LDAH: variants seen among roughly 807,000 people sequenced by gnomAD.
LDAH encodes lipid droplet-associated hydrolase.
Under a neutral mutation model 29.6 loss-of-function variants are expected in LDAH, and 26 were observed. The observed-to-expected ratio is 0.88, with a 90% CI of 0.64 to 1.22. The LOEUF (loss-of-function observed/expected upper bound fraction) is 1.22. Ranked by LOEUF, LDAH falls within the 50% of genes most tolerant of loss-of-function variation. The pLI is 0.00. For missense variants in LDAH, 344 were observed against 387.3 expected (o/e 0.89, Z 0.94); for synonymous variants, 117 against 133.0 (o/e 0.88, Z 0.83).
intron 2 of LDAH, among the ~76,000 whole-genome samples, chr2:20,791,460 G>A (rs537693494): frequency 6.6e-6 from 1 of 152,270 alleles, no homozygotes; most frequent in East Asian, 1.9e-4. Context: ...GTACAACAAC[G>A]TCTAGCTATA....
chr2:20,746,519 C>T (rs1054423237), intron 4 of LDAH, among the ~76,000 whole-genome samples: 3 of 152,098 alleles, frequency 2.0e-5, no homozygotes, highest in African/African-American at 4.8e-5. Flanking sequence ...ACAACTAATA[C>T]TTAGTTGATG....
At chr2:20,770,502 T>C (rs1669337367) in intron 4 of LDAH, among the ~76,000 whole-genome samples, 2 of 152,164 alleles carry the variant, frequency 1.3e-5, no homozygotes, top group Admixed American at 6.5e-5. Context: ...ATGAAAAAGA[T>C]TTACTGGCAA....
intron 1 of LDAH, among the ~76,000 whole-genome samples, chr2:20,802,042 T>A (rs1443716248): frequency 6.8e-6 from 1 of 147,128 alleles, no homozygotes; most frequent in Non-Finnish European, 1.5e-5. Context: ...ACATACTATA[T>A]CTATCTATCT....
At chr2:20,739,875 T>C (rs1372043906) in intron 5 of LDAH, 96 bp downstream of exon 5, 1 of 829,252 alleles carries the variant, frequency 1.2e-6, no homozygotes, top group African/African-American at 1.7e-5. Flanking sequence ...AACTAGTAAA[T>C]AATTGCTTGC....
chr2:20,692,759 G>A (rs1663130710), intron 6 of LDAH, among the ~76,000 whole-genome samples: 1 of 152,114 alleles, frequency 6.6e-6, no homozygotes, highest in Non-Finnish European at 1.5e-5. Context: ...ATGAGCCTTT[G>A]GCACAGACTA....
At chr2:20,723,945 T>G (rs1665841782) in intron 5 of LDAH, among the ~76,000 whole-genome samples, 1 of 152,210 alleles carries the variant, frequency 6.6e-6, no homozygotes, top group Non-Finnish European at 1.5e-5. Context: ...AATTGAAGAG[T>G]CTAATGTTAT....
intron 5 of LDAH, among the ~76,000 whole-genome samples, chr2:20,703,735 C>A (rs1664123584): frequency 6.6e-6 from 1 of 152,172 alleles, no homozygotes; most frequent in Non-Finnish European, 1.5e-5. Context: ...CTAACCTGGA[C>A]CACTGTCGAC....
In LDAH at chr2:20,686,883, G is replaced by T; in HGVS notation, c.*20C>A. On this transcript the variant is annotated 3_prime_UTR_variant, in exon 7 of 7. Coordinates refer to ENST00000237822, the MANE Select transcript of LDAH (RefSeq NM_021925.4). Reference sequence around the variant, plus strand: ...ACTGCCTCCATGTACTGGCAGTGGGGGCTTGTTCCTCAGGCCAATTTACAT... The same window carrying T: ...ACTGCCTCCATGTACTGGCAGTGGGTGCTTGTTCCTCAGGCCAATTTACAT... 1 of 1,604,358 alleles carries T rather than the reference G, an allele frequency of 6.2e-7. No individual in the cohort carries two copies. Among genetic ancestry groups the T allele is most frequent in the South Asian group, 1.1e-5 (1 of 89,448 alleles).
rs577363170 is a variant in LDAH at position 20,810,436 on chromosome 2, A to G, written c.-2-8971T>C. ...TCACTTCCATGTTAGACAGAAGCCC[A>G]TCAATATTCAAAGACAGCATGTTCT... On this transcript the variant is annotated intron_variant, in intron 1 of 6. Coordinates refer to ENST00000237822, the MANE Select transcript of LDAH (RefSeq NM_021925.4). 2.0e-5 allele frequency among the ~76,000 whole-genome samples: 3 copies of G among 152,352 alleles called. No individual in the cohort carries two copies. The South Asian group carries it at 6.2e-4, about 32-fold the overall frequency.
intron 5 of LDAH, among the ~76,000 whole-genome samples, chr2:20,712,392 T>A (rs189747455): frequency 1.3e-5 from 2 of 152,146 alleles, no homozygotes; most frequent in Non-Finnish European, 2.9e-5. Flanking sequence ...GTCACCAACA[T>A]CAAAGATGAA....
chr2:20,687,151 T>C, intron 6 of LDAH, 57 bp from the exon 7 acceptor site: 1 of 1,451,582 alleles, frequency 6.9e-7, no homozygotes, highest in South Asian at 1.3e-5. Context: ...CTGACACAGA[T>C]ATGACACCAG....
At chr2:20,804,936 C>T (rs115868888) in intron 1 of LDAH, among the ~76,000 whole-genome samples, 1 of 152,268 alleles carries the variant, frequency 6.6e-6, no homozygotes, top group Non-Finnish European at 1.5e-5. Context: ...TTCTCCAAAA[C>T]TATCACAAAC....
At chr2:20,771,271 G>C (rs1669395544) in intron 4 of LDAH, among the ~76,000 whole-genome samples, 1 of 152,088 alleles carries the variant, frequency 6.6e-6, no homozygotes, top group Admixed American at 6.6e-5. Flanking sequence ...ATTACAAAGA[G>C]CTGAACCAAA....
chr2:20,719,577 C>T (rs1665497801), intron 5 of LDAH, among the ~76,000 whole-genome samples: 1 of 152,062 alleles, frequency 6.6e-6, no homozygotes. Flanking sequence ...CAATTCTACT[C>T]AAACTACTTT....
intron 5 of LDAH, among the ~76,000 whole-genome samples, chr2:20,736,670 T>A (rs778514312): frequency 2.0e-5 from 3 of 152,188 alleles, no homozygotes; most frequent in Non-Finnish European, 4.4e-5. Flanking sequence ...CATTTCCATT[T>A]GTATGGGTGT....
At chr2:20,794,057 G>GT (rs369915247) in intron 2 of LDAH, among the ~76,000 whole-genome samples, 22,198 of 151,986 alleles carry the variant, frequency 0.15, 3,947 homozygotes, top group African/African-American at 0.43. Flanking sequence ...ACAAAGAAGA[G>GT]GTTTCATGGA....
intron 3 of LDAH, among the ~76,000 whole-genome samples, chr2:20,781,165 G>A (rs914877376): frequency 2.6e-4 from 40 of 152,112 alleles, no homozygotes; most frequent in Non-Finnish European, 5.4e-4. Context: ...TTCCCATCAT[G>A]TGTGCTGACT....
chr2:20,763,005 A>AGT (rs1668794584), intron 4 of LDAH, among the ~76,000 whole-genome samples: 2 of 152,242 alleles, frequency 1.3e-5, no homozygotes, highest in African/African-American at 2.4e-5. Flanking sequence ...CCACTGACAC[A>AGT]TCTGATACCA....
At chr2:20,812,116 T>C (rs1279668305) in intron 1 of LDAH, among the ~76,000 whole-genome samples, 4 of 152,186 alleles carry the variant, frequency 2.6e-5, no homozygotes, top group Non-Finnish European at 4.4e-5. Context: ...TGGGATTAGT[T>C]ACAAATGTAG....
Sources: allele counts gnomAD v4.1 joint callset (sites outside exome capture counted in the v4.1 genomes callset), GRCh38; gene constraint gnomAD v4.1.1; transcripts MANE v1.5; gene names NCBI Gene and HGNC (gene_info 2026-07-23, HGNC 2026-07-21).